Variants in PLAAT3 observed in about 807,000 individuals in gnomAD.
The protein encoded by PLAAT3 is phospholipase A and acyltransferase 3.
A neutral mutation model predicts 16.7 loss-of-function variants in PLAAT3; 21 were observed. That is an observed-to-expected ratio of 1.26 (90% CI 0.89 to 1.81). The LOEUF (loss-of-function observed/expected upper bound fraction) is 1.81. Among genes scored for constraint, PLAAT3 ranks in the 40% most tolerant of loss-of-function variants. The pLI is 0.00. For synonymous variants in PLAAT3, 76 were observed against 81.7 expected (o/e 0.93, Z 0.38); for missense variants, 219 against 213.7 (o/e 1.02, Z -0.16).
At chr11:63,593,869 C>T (rs760527940) in intron 3 of PLAAT3, among the ~76,000 whole-genome samples, 6 of 152,156 alleles carry the variant, frequency 3.9e-5, no homozygotes, top group Admixed American at 6.6e-5. Flanking sequence ...CATGAGCCAC[C>T]GCACCTGGCC....
chr11:63,615,202 ATG>A (rs1359178501), upstream of PLAAT3, among the ~76,000 whole-genome samples: 11 of 93,996 alleles, frequency 1.2e-4, 2 homozygotes, highest in East Asian at 5.2e-4. Flanking sequence ...GTGTGTATAT[ATG>A]TGTGTATATA....
upstream of PLAAT3, among the ~76,000 whole-genome samples, chr11:63,615,116 A>ATATGTGTATATATGTGTG (rs1297090010): frequency 8.4e-5 from 10 of 119,126 alleles, no homozygotes; most frequent in South Asian, 3.0e-4. Flanking sequence ...ATGTGTGTAT[A>ATATGTGTATATATGTGTG]TATGTGTGTA....
intron 2 of PLAAT3, among the ~76,000 whole-genome samples, chr11:63,611,495 G>C (rs578037697): frequency 7.2e-4 from 109 of 152,196 alleles, no homozygotes; most frequent in African/African-American, 2.6e-3. Flanking sequence ...TAAAACTTTT[G>C]TCTTCTACAA....
chr11:63,611,687 G>A (rs1438498019), intron 2 of PLAAT3, among the ~76,000 whole-genome samples: 1 of 152,128 alleles, frequency 6.6e-6, no homozygotes, highest in East Asian at 1.9e-4. Flanking sequence ...CTGTCTCCCA[G>A]TGCCAAAAGA....
At chr11:63,579,276 G>T (rs1289281153) in intron 4 of PLAAT3, among the ~76,000 whole-genome samples, 1 of 152,192 alleles carries the variant, frequency 6.6e-6, no homozygotes, top group Non-Finnish European at 1.5e-5. Flanking sequence ...CTGTTGGTGG[G>T]ACTGTAAACC....
Position 63,590,336 on chromosome 11 carries a change from T to C in PLAAT3, c.151A>G (p.Met51Val), listed in dbSNP as rs1938118933. 9.3e-6 allele frequency: 15 copies of C among 1,614,050 alleles called. No homozygotes were observed. The East Asian group carries it at 3.3e-4, about 36-fold the overall frequency. Reference sequence around the variant, plus strand: ...ATGGCCTTGTCAGTCAGGGCGGACATGACACTGGCTGCACCAGCTCCTGCG... The same window carrying C: ...ATGGCCTTGTCAGTCAGGGCGGACACGACACTGGCTGCACCAGCTCCTGCG... ...EVAGAGAASV[M>V]SALTDKAIVK... The change falls in exon 4 of 5, where the codon ATG becomes GTG. Residue 51 changes from methionine to valine, a missense_variant. Physicochemically the swap from Met to Val is conservative, Grantham distance 21. Coordinates refer to ENST00000415826, the MANE Select transcript of PLAAT3 (RefSeq NM_001128203.2).
chr11:63,594,988 T>C (rs1938249987), intron 3 of PLAAT3, among the ~76,000 whole-genome samples: 1 of 152,026 alleles, frequency 6.6e-6, no homozygotes, highest in Admixed American at 6.6e-5. Flanking sequence ...ATTAAAACGA[T>C]ATGCAAAAGA....
At chr11:63,599,268 G>T (rs942296862) in intron 2 of PLAAT3, among the ~76,000 whole-genome samples, 4 of 152,172 alleles carry the variant, frequency 2.6e-5, no homozygotes, top group African/African-American at 9.7e-5. Flanking sequence ...CACAGTCAGG[G>T]CTAAACTGCC....
At chr11:63,615,044 A>ATATATGTATGTATATATG (rs1555047783), upstream of PLAAT3, among the ~76,000 whole-genome samples, 4 of 20,544 alleles carry the variant, frequency 1.9e-4, 1 homozygote, top group African/African-American at 2.7e-4. Context: ...ATATATATGT[A>ATATATGTATGTATATATG]TATATATGTG....
chr11:63,613,630 G>C (rs960076473), intron 2 of PLAAT3, among the ~76,000 whole-genome samples: 3 of 152,320 alleles, frequency 2.0e-5, no homozygotes, highest in Non-Finnish European at 2.9e-5. Context: ...GGCAGGGCTG[G>C]TCATGGGATG....
chr11:63,579,930 G>A (rs963188213), intron 4 of PLAAT3, among the ~76,000 whole-genome samples: 8 of 149,154 alleles, frequency 5.4e-5, no homozygotes, highest in Admixed American at 5.3e-4. Context: ...ACTCTGAAGT[G>A]AAACCATTTC....
chr11:63,592,942 T>C (rs1938189226), intron 3 of PLAAT3, among the ~76,000 whole-genome samples: 1 of 152,218 alleles, frequency 6.6e-6, no homozygotes, highest in South Asian at 2.1e-4. Flanking sequence ...TCAAGTGAGA[T>C]GCAGGTAGAA....
chr11:63,574,949 T>C lies in PLAAT3; in HGVS notation c.485A>G (p.Gln162Arg). 6.3e-7 allele frequency: 1 copy of C among 1,595,480 alleles called. No individual in the cohort carries two copies. Among genetic ancestry groups the C allele is most frequent in the East Asian group, 2.2e-5 (1 of 44,802 alleles). ...VMFSRNKRQKQ is the reference protein window; with the variant it reads ...VMFSRNKRQKR The stretch of plus-strand genomic sequence containing the variant: ...TGACAGGACAGTCTTTTTCAGTTAT[T>C]GCTTTTGTCGCTTGTTTCTTGAGAA... Residue 162 changes from glutamine to arginine, a missense_variant, in exon 5 of 5, where the codon CAA (glutamine) becomes CGA (arginine). Gln to Arg is a conservative substitution (Grantham distance 43). Transcript: ENST00000415826.
intron 4 of PLAAT3, among the ~76,000 whole-genome samples, chr11:63,587,596 C>A (rs1209380703): frequency 6.7e-6 from 1 of 150,272 alleles, no homozygotes; most frequent in African/African-American, 2.4e-5. Flanking sequence ...ACTCTGTCAC[C>A]CAGGCTGGAG....
At chr11:63,596,100 G>A (rs1938279669) in intron 3 of PLAAT3, among the ~76,000 whole-genome samples, 1 of 151,896 alleles carries the variant, frequency 6.6e-6, no homozygotes. Context: ...AATTAGCCAG[G>A]GGTGGTGCCA....
intron 4 of PLAAT3, among the ~76,000 whole-genome samples, chr11:63,587,539 G>A (rs67663634): frequency 6.7e-6 from 1 of 149,228 alleles, no homozygotes; most frequent in African/African-American, 2.5e-5. Context: ...TTTTTTGTTT[G>A]TTTTTTGTTT....
intron 2 of PLAAT3, among the ~76,000 whole-genome samples, chr11:63,603,703 TACACACACACACACACAC>T (rs67821162): frequency 1.5e-4 from 18 of 117,096 alleles, no homozygotes; most frequent in Middle Eastern, 4.1e-3. Context: ...TAAATTATCC[TACACACACACACACACAC>T]ACACACACAC....
chr11:63,590,405 C>T, intron 3 of PLAAT3, 37 bp from the exon 4 acceptor site: 1 of 1,601,012 alleles, frequency 6.2e-7, no homozygotes, highest in Non-Finnish European at 8.5e-7. Context: ...GGGATTGGTC[C>T]TGGGAAGGGC....
At chr11:63,605,638 C>T (rs1938535812) in intron 2 of PLAAT3, among the ~76,000 whole-genome samples, 1 of 151,958 alleles carries the variant, frequency 6.6e-6, no homozygotes, top group Middle Eastern at 3.4e-3. Flanking sequence ...CTGCAAGCTC[C>T]GCCTCCCGGG....
Sources: allele counts gnomAD v4.1 joint callset (sites outside exome capture counted in the v4.1 genomes callset), GRCh38; gene constraint gnomAD v4.1.1; transcripts MANE v1.5; gene names NCBI Gene and HGNC (gene_info 2026-07-23, HGNC 2026-07-21).